ZNF800: variants seen among roughly 807,000 people sequenced by gnomAD.
The protein encoded by ZNF800 is zinc finger protein 800.
In ZNF800, 13 loss-of-function variants were observed where a neutral mutation model predicts 59.5. The ratio of observed to expected loss-of-function variants is 0.22; its 90% confidence interval spans 0.14 to 0.35. The LOEUF (loss-of-function observed/expected upper bound fraction) is 0.35, where lower values mean the gene tolerates loss of function less well. ZNF800 is among the 10% of genes least tolerant of loss of function. The pLI is 1.00. For synonymous variants in ZNF800, 266 were observed against 265.7 expected, an observed-to-expected ratio of 1.00 and a Z score of -0.01; for missense variants, 621 against 783.7, an observed-to-expected ratio of 0.79 and a Z score of 2.48.
At chr7:127,380,600 T>A (rs2117156730) in intron 3 of ZNF800, among the ~76,000 whole-genome samples, 1 of 152,324 alleles carries the variant, frequency 6.6e-6, no homozygotes, top group East Asian at 1.9e-4. Context: ...TTCTGATTGC[T>A]CTGCTCACTT....
In ZNF800 at chr7:127,374,231, T is replaced by C. The variant is rs1315739078; in HGVS notation, c.1105A>G (p.Ser369Gly). The C allele has an allele frequency of 3.7e-6, 6 of 1,613,992 alleles. No individual in the cohort carries two copies. The highest frequency in any genetic ancestry group is 1.3e-5 in the African/African-American group (1 of 74,948). The part of the protein sequence containing the change: ...CKCLLCKRKY[S>G]SQIMLKRHMQ... ...TGTCTTTTAAGCATTATTTGTGAAC[T>C]ATATTTCCTCTTGCAAAGGAGGCAT... The change falls in exon 5 of 6, where the codon AGT (serine) becomes GGT (glycine). Residue 369 changes from serine (S) to glycine (G), a missense_variant. By Grantham distance (56) the Ser-to-Gly change is moderately conservative (BLOSUM62 0). This residue lies in a region of ZNF800 where 185 missense variants were observed against 177.6 expected (regional missense o/e 1.04). Coordinates refer to ENST00000265827, the MANE Select transcript of ZNF800 (RefSeq NM_176814.5).
chr7:127,392,216 AAAGAGTCCCCGCCGGCGCTGACGCGG>A lies in ZNF800; in HGVS notation c.-241_-216del, dbSNP rs1801354275. On this transcript the variant is annotated 5_prime_UTR_variant, in exon 1 of 6. Coordinates refer to ENST00000265827, the MANE Select transcript of ZNF800 (RefSeq NM_176814.5). Reference sequence around the variant, plus strand: ...CCGGACTCGGGCCCGACGCGCTCCCAAAGAGTCCCCGCCGGCGCTGACGCGGAAGCGCCACAGCTCACCACGTCCCT... The same window carrying A: ...CCGGACTCGGGCCCGACGCGCTCCCAAAGCGCCACAGCTCACCACGTCCCT... 2.5e-6 allele frequency: 1 copy of A among 394,640 alleles called. No homozygotes were observed. 24.4% of individuals were successfully genotyped at this position (394,640 alleles called of 1,614,324 possible).
chr7:127,384,234 T>TTTTTTTTTTTTTTC (rs1801066401), intron 3 of ZNF800, among the ~76,000 whole-genome samples: 1 of 90,884 alleles, frequency 1.1e-5, no homozygotes, highest in African/African-American at 3.5e-5. Context: ...CTTCTTTTTT[T>TTTTTTTTTTTTTTC]TTTTTTTTTT....
intron 5 of ZNF800, among the ~76,000 whole-genome samples, chr7:127,372,407 G>A (rs931201050): frequency 6.6e-6 from 1 of 151,240 alleles, no homozygotes; most frequent in Admixed American, 6.6e-5. Context: ...TTGAACCCAG[G>A]AGGCGGAAGG....
At chr7:127,388,412 A>C (rs1227635713) in intron 2 of ZNF800, among the ~76,000 whole-genome samples, 1 of 152,048 alleles carries the variant, frequency 6.6e-6, no homozygotes, top group Non-Finnish European at 1.5e-5. Context: ...AACTACTTAC[A>C]AAAAAAATGG....
In ZNF800 at chr7:127,370,948, C is replaced by A. The variant is rs1030885136; in HGVS notation, c.*866G>T. ...AATATTTAAGGAAATAAACTAGTATCATAAGAAGTGGTTGTGCATGGATTG... is the reference window on the plus strand; with the variant it reads ...AATATTTAAGGAAATAAACTAGTATAATAAGAAGTGGTTGTGCATGGATTG... On this transcript the variant is annotated 3_prime_UTR_variant, in exon 6 of 6. Transcript: ENST00000265827. The A allele has an allele frequency of 6.6e-6, 1 of 152,418 alleles. No homozygotes were observed. Among genetic ancestry groups the A allele is most frequent in the African/African-American group, 2.4e-5 (1 of 41,390 alleles). 9.4% of individuals were successfully genotyped at this position (152,418 alleles called of 1,614,324 possible).
rs969327093 is a variant in ZNF800 at position 127,392,308 on chromosome 7, T to C, written c.-307A>G. The C allele has an allele frequency of 5.2e-6, 2 of 386,412 alleles. No homozygotes were observed. The highest frequency in any genetic ancestry group is 4.2e-5 in the African/African-American group (2 of 47,948). The allele number at this position is 386,412 out of a possible 1,614,324, so 23.9% of individuals were successfully genotyped here. Reference sequence around the variant, plus strand: ...ACTGCGGCGGCGGCTCACGGCGTCCTCCGCGCTGTGTGGCTAGGCGGGAGG... The same window carrying C: ...ACTGCGGCGGCGGCTCACGGCGTCCCCCGCGCTGTGTGGCTAGGCGGGAGG... On this transcript the variant is annotated 5_prime_UTR_variant, in exon 1 of 6. Coordinates refer to ENST00000265827, the MANE Select transcript of ZNF800 (RefSeq NM_176814.5).
intron 1 of ZNF800, among the ~76,000 whole-genome samples, chr7:127,353,076 T>C (rs950248635): frequency 7.9e-5 from 12 of 152,194 alleles, no homozygotes; most frequent in Admixed American, 5.9e-4. Context: ...TTATTTTGCT[T>C]ATTAAAAGAA....
chr7:127,347,563 G>C (rs1008530206), exon 2 of ZNF800: 4 of 152,280 alleles, frequency 2.6e-5, no homozygotes, highest in Non-Finnish European at 5.9e-5. Context: ...GATTCTCAAA[G>C]AAGCCGGGAT....
intron 1 of ZNF800, among the ~76,000 whole-genome samples, chr7:127,354,565 C>A (rs1282308403): frequency 6.6e-6 from 1 of 152,048 alleles, no homozygotes; most frequent in Non-Finnish European, 1.5e-5. Flanking sequence ...ATTGCACATA[C>A]ATGAAATAGC....
downstream of ZNF800, among the ~76,000 whole-genome samples, chr7:127,344,319 C>A (rs13239338): frequency 0.1 from 15,858 of 151,956 alleles, 1,068 homozygotes; most frequent in Middle Eastern, 0.27. Flanking sequence ...TCTAACAATA[C>A]AATTAATAAA....
At chr7:127,357,954 C>T (rs1371154182) in intron 1 of ZNF800, among the ~76,000 whole-genome samples, 2 of 151,784 alleles carry the variant, frequency 1.3e-5, no homozygotes, top group African/African-American at 2.4e-5. Flanking sequence ...GAAAAGAATC[C>T]ATGTAGTAGT....
At chr7:127,368,935 A>G (rs1157489812), downstream of ZNF800, among the ~76,000 whole-genome samples, 1 of 152,054 alleles carries the variant, frequency 6.6e-6, no homozygotes, top group East Asian at 1.9e-4. Flanking sequence ...ATATATACAA[A>G]ACTAGACAAA....
intron 2 of ZNF800, among the ~76,000 whole-genome samples, chr7:127,388,213 C>T (rs1381022550): frequency 6.6e-6 from 1 of 152,180 alleles, no homozygotes; most frequent in Non-Finnish European, 1.5e-5. Flanking sequence ...GCTCAATAAA[C>T]ATTCTACCAT....
In ZNF800 at chr7:127,374,632, C is replaced by T. The variant is rs1800734707; in HGVS notation, c.704G>A (p.Cys235Tyr). The change falls in exon 5 of 6, where the codon TGT becomes TAT. Residue 235 changes from cysteine (C) to tyrosine (Y), a missense_variant. Physicochemically the swap from Cys to Tyr is radical, Grantham distance 194 (BLOSUM62 -2). Coordinates refer to ENST00000265827, the MANE Select transcript of ZNF800 (RefSeq NM_176814.5). Reference sequence around the variant, plus strand: ...TCGTCTAGAATTGAATTCTTTTCTACAAAGACAACATATCAACTGGTGACC... The same window carrying T: ...TCGTCTAGAATTGAATTCTTTTCTATAAAGACAACATATCAACTGGTGACC... ...DFGHQLICCL[C>Y]RKEFNSRRGV... 6.2e-7 allele frequency: 1 copy of T among 1,613,908 alleles called. No homozygotes were observed. Among genetic ancestry groups the T allele is most frequent in the Non-Finnish European group, 8.5e-7 (1 of 1,179,972 alleles).
At chr7:127,360,626 T>C (rs1365055717) in intron 1 of ZNF800, 1 of 152,040 alleles carries the variant, frequency 6.6e-6, no homozygotes, top group Non-Finnish European at 1.5e-5. Flanking sequence ...ATACTGCTTG[T>C]GATTTTTTTT....
chr7:127,345,108 T>C (rs971214055), downstream of ZNF800, among the ~76,000 whole-genome samples: 1 of 152,178 alleles, frequency 6.6e-6, no homozygotes, highest in African/African-American at 2.4e-5. Flanking sequence ...AAAAAGTTCT[T>C]ACAAATCAAT....
At chr7:127,382,637 T>A (rs780882417) in intron 3 of ZNF800, among the ~76,000 whole-genome samples, 1 of 152,048 alleles carries the variant, frequency 6.6e-6, no homozygotes, top group South Asian at 2.1e-4. Flanking sequence ...AATTTCCAAG[T>A]GGAAAACCTG....
chr7:127,387,280 T>C (rs1414884890), intron 2 of ZNF800, among the ~76,000 whole-genome samples: 3 of 152,194 alleles, frequency 2.0e-5, no homozygotes, highest in African/African-American at 4.8e-5. Context: ...TTTTTAAATA[T>C]GCCATAATGT....
Sources: gnomAD v4.1 joint callset for allele counts (sites outside exome capture counted in the v4.1 genomes callset) on GRCh38, gnomAD v4.1.1 for gene constraint, gnomAD v4.1.1 regional missense constraint, MANE v1.5 for transcripts, NCBI Gene and HGNC (gene_info 2026-07-23, HGNC 2026-07-21) for gene names.